CYP39A1: variants seen among roughly 807,000 people sequenced by gnomAD.
CYP39A1 encodes the protein 24-hydroxycholesterol 7-alpha-hydroxylase.
CYP39A1 carries 49 observed loss-of-function variants against 58.1 expected under a neutral mutation model. The observed-to-expected ratio is 0.84, with a 90% CI of 0.67 to 1.07. The LOEUF is 1.07. Ranked by LOEUF, CYP39A1 falls within the 50% of genes least tolerant of loss-of-function variation. The pLI is 0.00. For missense variants in CYP39A1, 531 were observed against 539.4 expected (o/e 0.98, Z 0.16); for synonymous variants, 209 against 187.6 (o/e 1.11, Z -0.93).
At chr6:46,558,839 T>C (rs1270967345) in intron 10 of CYP39A1, among the ~76,000 whole-genome samples, 1 of 151,696 alleles carries the variant, frequency 6.6e-6, no homozygotes. Context: ...CTACTAAAAA[T>C]AGAAAAATTA....
intron 7 of CYP39A1, among the ~76,000 whole-genome samples, chr6:46,603,816 C>T (rs1204163726): frequency 6.6e-6 from 1 of 152,132 alleles, no homozygotes; most frequent in African/African-American, 2.4e-5. Context: ...AAAAGTTTGC[C>T]CCTGCCTAGG....
chr6:46,651,636 A>G (rs188803577), intron 1 of CYP39A1, among the ~76,000 whole-genome samples: 1 of 152,306 alleles, frequency 6.6e-6, no homozygotes, highest in Admixed American at 6.5e-5. Context: ...GCAAATGATC[A>G]GTGGTAAAAT....
chr6:46,569,420 T>C (rs1358149355), intron 10 of CYP39A1, among the ~76,000 whole-genome samples: 3 of 152,108 alleles, frequency 2.0e-5, no homozygotes, highest in Admixed American at 6.6e-5. Flanking sequence ...CAAATACAAG[T>C]AGCAGAAGTG....
rs963413007 is a variant in CYP39A1, at chr6:46,627,965, T to C, written c.841-2457A>G. Among the ~76,000 whole-genome samples, 4 of 152,184 alleles carry C rather than the reference T, an allele frequency of 2.6e-5. No homozygotes were observed. The South Asian group carries it at 8.3e-4, about 32-fold the overall frequency. On this transcript the variant is annotated intron_variant, in intron 6 of 11. Transcript: ENST00000275016. ...AACAGTTCAAGTCCAAGGTCAGAGA[T>C]GGGCAAGAAGAAGAAGGGCCACTCA...
chr6:46,627,969 CAAG>C (rs1370468554), intron 6 of CYP39A1, among the ~76,000 whole-genome samples: 6 of 152,040 alleles, frequency 3.9e-5, no homozygotes, highest in Admixed American at 3.9e-4. Context: ...CAGAGATGGG[CAAG>C]AAGAAGAAGG....
chr6:46,565,098 A>G (rs1771204796), intron 10 of CYP39A1, among the ~76,000 whole-genome samples: 2 of 152,170 alleles, frequency 1.3e-5, no homozygotes, highest in South Asian at 4.1e-4. Flanking sequence ...AAAGTTTCTG[A>G]GTCGGGAGAT....
intron 7 of CYP39A1, among the ~76,000 whole-genome samples, chr6:46,599,353 A>T (rs1322342830): frequency 6.6e-6 from 1 of 152,170 alleles, no homozygotes; most frequent in South Asian, 2.1e-4. Flanking sequence ...AGAAGAAAAA[A>T]ATCTGAAGAA....
intron 1 of CYP39A1, among the ~76,000 whole-genome samples, chr6:46,648,454 T>G (rs1307621576): frequency 1.5e-5 from 2 of 133,444 alleles, no homozygotes; most frequent in Non-Finnish European, 3.0e-5. Flanking sequence ...TAGGCGGGAA[T>G]TGAACAATGA....
chr6:46,591,822 C>T (rs1772854787), intron 8 of CYP39A1, among the ~76,000 whole-genome samples: 2 of 152,218 alleles, frequency 1.3e-5, no homozygotes, highest in South Asian at 2.1e-4. Context: ...ACTTATCCTA[C>T]ATTAAATTAT....
chr6:46,563,639 G>A (rs950797103), intron 10 of CYP39A1, among the ~76,000 whole-genome samples: 4 of 152,112 alleles, frequency 2.6e-5, no homozygotes, highest in African/African-American at 9.7e-5. Context: ...TTGGAGTCTG[G>A]AGAGCACTCT....
intron 7 of CYP39A1, among the ~76,000 whole-genome samples, chr6:46,597,899 C>A (rs1221058210): frequency 6.6e-6 from 1 of 152,078 alleles, no homozygotes; most frequent in African/African-American, 2.4e-5. Flanking sequence ...CAGATCTGAG[C>A]AATCTAATAT....
At chr6:46,586,170 C>A (rs569313777) in intron 10 of CYP39A1, 1 of 951,576 alleles carries the variant, frequency 1.1e-6, no homozygotes, top group Non-Finnish European at 1.3e-6. Context: ...ACATGAAGAA[C>A]GGAAGGATGG....
chr6:46,566,723 A>C (rs1427202619), intron 10 of CYP39A1, among the ~76,000 whole-genome samples: 1 of 152,122 alleles, frequency 6.6e-6, no homozygotes, highest in Non-Finnish European at 1.5e-5. Flanking sequence ...GTACTTGCAA[A>C]ATAGAAATGA....
At chr6:46,616,059 TTCTC>T (rs1234943456) in intron 7 of CYP39A1, among the ~76,000 whole-genome samples, 2 of 130,160 alleles carry the variant, frequency 1.5e-5, no homozygotes, top group Admixed American at 1.6e-4. Flanking sequence ...TTCTTTTCTT[TTCTC>T]TCTCTTTCCC....
rs115524059 is a variant in CYP39A1 at position 46,599,484 on chromosome 6, G to A, written c.932-3364C>T. On this transcript the variant is annotated intron_variant, in intron 7 of 11. Coordinates refer to ENST00000275016, the MANE Select transcript of CYP39A1 (RefSeq NM_016593.5). ...TAGATGCAGATCAGAACAAGCTGTC[G>A]CACTGGTTCTTGGCGGTTTGGTAAT... Among the ~76,000 whole-genome samples the A allele has an allele frequency of 1.6e-3, 240 of 152,228 alleles. 1 individual carries two copies. Among genetic ancestry groups the A allele is most frequent in the African/African-American group, 5.0e-3 (206 of 41,544 alleles).
intron 2 of CYP39A1, among the ~76,000 whole-genome samples, chr6:46,640,533 G>T (rs1361414493): frequency 6.6e-6 from 1 of 152,118 alleles, no homozygotes; most frequent in African/African-American, 2.4e-5. Context: ...ATTAGAAATT[G>T]TGGTTTATTG....
rs1775990623 is a variant in CYP39A1, at chr6:46,636,365, AAAAG to A, written c.732+20_732+23del. 6.7e-7 allele frequency: 1 copy of A among 1,500,574 alleles called. No individual in the cohort carries two copies. The allele number at this position is 1,500,574 out of a possible 1,614,324, so 93.0% of individuals were successfully genotyped here. Reference sequence around the variant, plus strand: ...AATTTATTACTATCTTTACATTAGCAAAAGAAAGGTAAGAAATACTTACCATGGA... The same window carrying A: ...AATTTATTACTATCTTTACATTAGCAAAAGGTAAGAAATACTTACCATGGA... On this transcript the variant is annotated intron_variant, in intron 5 of 11. Coordinates refer to ENST00000275016, the MANE Select transcript of CYP39A1 (RefSeq NM_016593.5).
rs935499958 is a variant in CYP39A1 at position 46,647,011 on chromosome 6, A to AT, written c.178-4714dup. Among the ~76,000 whole-genome samples the AT allele has an allele frequency of 6.8e-4, 95 of 139,976 alleles. 1 individual carries two copies. In the East Asian group the frequency reaches 0.011, roughly 16 times the overall value. The allele number at this position is 139,976 out of a possible 152,430, so 91.8% of individuals were successfully genotyped here. ...GTTCTTTCTTTCATTGATTTTCCTT[A>AT]TTTTTTTTTTTAATTTTCAACTTCA... On this transcript the variant is annotated intron_variant, in intron 1 of 11. Transcript: ENST00000275016.
chr6:46,595,962 C>T (rs780003066), intron 8 of CYP39A1, 25 bp downstream of exon 8: 3 of 1,598,056 alleles, frequency 1.9e-6, no homozygotes, highest in Admixed American at 3.5e-5. Flanking sequence ...AAGGTTGATT[C>T]ATTTAAAACC....
Sources: allele counts gnomAD v4.1 joint callset (sites outside exome capture counted in the v4.1 genomes callset), GRCh38; gene constraint gnomAD v4.1.1; transcripts MANE v1.5; gene names NCBI Gene and HGNC (gene_info 2026-07-23, HGNC 2026-07-21).